The following BCL7A variants were observed in gnomAD, a reference collection of about 807,000 sequenced individuals.
BCL7A encodes B-cell CLL/lymphoma 7 protein family member A.
BCL7A carries 11 observed loss-of-function variants against 28.4 expected under a neutral mutation model. The ratio of observed to expected loss-of-function variants is 0.39; its 90% CI spans 0.24 to 0.64. The LOEUF is 0.64. Among genes scored for constraint, BCL7A ranks in the 30% least tolerant of loss-of-function variants. The probability of loss-of-function intolerance (pLI) is 0.50; values close to 1 mark genes in which losing one functional copy is unlikely to be tolerated. For missense variants in BCL7A, 222 were observed against 274.8 expected, an observed-to-expected ratio of 0.81 and a Z score of 1.36; for synonymous variants, 123 against 103.3, an observed-to-expected ratio of 1.19 and a Z score of -1.15.
At position 122,034,763 on chromosome 12, in the gene BCL7A, G is replaced by A. The variant is rs565685087; in HGVS notation, c.175-568G>A. 6.6e-5 allele frequency among the ~76,000 whole-genome samples: 10 copies of A among 151,318 alleles called. No individual in the cohort carries two copies. In the South Asian group the frequency reaches 1.2e-3, roughly 19 times the overall value. On this transcript the variant is annotated intron_variant, in intron 2 of 5. Transcript: ENST00000261822. The stretch of plus-strand genomic sequence containing the variant: ...TCTCAAAAAAAAAAAAAAGAAAAAA[G>A]GAATGGCACGAAAAGCATCCCCATC...
chr12:122,048,044 C>A (rs1050761163), intron 4 of BCL7A, among the ~76,000 whole-genome samples: 2 of 151,740 alleles, frequency 1.3e-5, no homozygotes, highest in African/African-American at 2.4e-5. Context: ...GCTGGGATTA[C>A]AGGCATGCAC....
intron 5 of BCL7A, 145 bp from the exon 6 acceptor site, chr12:122,058,947 T>C: frequency 1.6e-6 from 1 of 636,024 alleles, no homozygotes; most frequent in Non-Finnish European, 2.8e-6. Context: ...GAGTCCACGC[T>C]TGGGCCTCGG....
At chr12:122,024,908 C>A (rs1186995597) in intron 1 of BCL7A, among the ~76,000 whole-genome samples, 1 of 152,068 alleles carries the variant, frequency 6.6e-6, no homozygotes, top group Non-Finnish European at 1.5e-5. Context: ...GGTTTCTCCT[C>A]AGCCCTAGTG....
In BCL7A at chr12:122,054,670, C is replaced by A. The variant is rs1884271238; in HGVS notation, c.440-135C>A. The A allele has an allele frequency of 3.5e-6, 3 of 847,732 alleles. No homozygotes were observed. In the Admixed American group the frequency reaches 6.9e-5, roughly 20 times the overall value. 52.5% of individuals were successfully genotyped at this position (847,732 alleles called of 1,614,324 possible). A position where few individuals can be genotyped will look rare whatever the true frequency, so the allele number is the denominator to read the frequency against. On this transcript the variant is annotated intron_variant, in intron 4 of 5. Coordinates refer to ENST00000261822, the MANE Select transcript of BCL7A (RefSeq NM_001024808.3). ...ACAGGAGACTCCCCAGCCCTCCAGCCCCCCAGCTCATTGTAGCCTTCAAAG... is the reference window on the plus strand; with the variant it reads ...ACAGGAGACTCCCCAGCCCTCCAGCACCCCAGCTCATTGTAGCCTTCAAAG...
chr12:122,024,556 C>T (rs1883572787), intron 1 of BCL7A, among the ~76,000 whole-genome samples: 2 of 151,612 alleles, frequency 1.3e-5, no homozygotes, highest in African/African-American at 2.4e-5. Flanking sequence ...ACCTTCCCCG[C>T]GCCTTCGGAT....
rs781194346 is a variant in BCL7A, at chr12:122,043,871, T to A, written c.272-15T>A. ...GTGGGATTTCATCCTGTGGTTCTGT[T>A]CCCACCCCCTACAGACGATAACAGC... On this transcript the variant is annotated splice_polypyrimidine_tract_variant and intron_variant, in intron 3 of 5. Transcript: ENST00000261822. 1.2e-5 allele frequency: 20 copies of A among 1,601,728 alleles called. No individual in the cohort carries two copies. Among genetic ancestry groups the A allele is most frequent in the Non-Finnish European group, 1.7e-5 (20 of 1,173,650 alleles).
chr12:122,023,800 G>T (rs540939719), intron 1 of BCL7A, among the ~76,000 whole-genome samples: 1 of 152,290 alleles, frequency 6.6e-6, no homozygotes, highest in Admixed American at 6.5e-5. Flanking sequence ...CTCTACTGTG[G>T]GATTCCCCGC....
At position 122,044,303 on chromosome 12, in the gene BCL7A, G is replaced by C. The variant is rs142903299; in HGVS notation, c.439+250G>C. On this transcript the variant is annotated intron_variant, in intron 4 of 5. Coordinates refer to ENST00000261822, the MANE Select transcript of BCL7A (RefSeq NM_001024808.3). ...GTGTGAGGACTGCTTGAGCCTAGGA[G>C]TTCAAGACCAGCCTGGGCAACATAG... The C allele has an allele frequency of 1.2e-3, 503 of 414,680 alleles. 3 individuals are homozygous for C. The highest frequency in any genetic ancestry group is 9.2e-3 in the African/African-American group (448 of 48,754). 25.7% of individuals were successfully genotyped at this position (414,680 alleles called of 1,614,324 possible).
At chr12:122,039,204 A>G (rs565686108) in intron 3 of BCL7A, among the ~76,000 whole-genome samples, 104 of 151,286 alleles carry the variant, frequency 6.9e-4, no homozygotes, top group Admixed American at 1.8e-3. Context: ...GGCTGAGGCA[A>G]GAGAATGGCG....
intron 4 of BCL7A, among the ~76,000 whole-genome samples, chr12:122,052,270 G>A (rs781105548): frequency 4.6e-5 from 7 of 152,132 alleles, no homozygotes; most frequent in Non-Finnish European, 1.0e-4. Flanking sequence ...CTGAGCTCAA[G>A]CTATCTTCCC....
intron 1 of BCL7A, among the ~76,000 whole-genome samples, chr12:122,025,963 A>AG (rs1044982401): frequency 1.3e-5 from 2 of 149,274 alleles, no homozygotes; most frequent in African/African-American, 4.9e-5. Context: ...AAAAAAAAAA[A>AG]AAAAAGAAGA....
rs1028866962 is a variant in BCL7A, at chr12:122,034,080, C to A, written c.175-1251C>A. Among the ~76,000 whole-genome samples the A allele has an allele frequency of 2.0e-5, 3 of 150,526 alleles. No individual in the cohort carries two copies. In the Admixed American group the frequency reaches 2.0e-4, roughly 10 times the overall value. ...TTTTGTTTATCCTTCTAAAGGGAGA[C>A]TTCGCTCGCAAACATGCATGTAAAT... is the stretch of plus-strand genomic sequence containing the variant. On this transcript the variant is annotated intron_variant, in intron 2 of 5. Transcript: ENST00000261822.
Position 122,021,915 on chromosome 12 carries a change from T to TG in BCL7A, c.-177_-176insG. The TG allele has an allele frequency of 6.2e-6, 2 of 321,188 alleles. No individual in the cohort carries two copies. The highest frequency in any genetic ancestry group is 4.7e-5 in the East Asian group (1 of 21,444). The allele number at this position is 321,188 out of a possible 1,614,324, so 19.9% of individuals were successfully genotyped here. A position where few individuals can be genotyped will look rare whatever the true frequency, so the allele number is the denominator to read the frequency against. On this transcript the variant is annotated 5_prime_UTR_variant, in exon 1 of 6. Transcript: ENST00000261822. ...GGCCAGGCGCGCGGCGGCCCCGGGC[T>TG]TTGTGTGTGTGTGTATGTGTGTGTG...
chr12:122,030,840 G>T, intron 2 of BCL7A, 59 bp downstream of exon 2: 1 of 1,519,058 alleles, frequency 6.6e-7, no homozygotes, highest in Non-Finnish European at 9.1e-7. Flanking sequence ...CTCCCACCAT[G>T]GGGAGGGAGA....
chr12:122,023,398 G>A (rs1324497126), intron 1 of BCL7A, among the ~76,000 whole-genome samples: 1 of 152,150 alleles, frequency 6.6e-6, no homozygotes, highest in African/African-American at 2.4e-5. Context: ...ACGTTTGGGG[G>A]TGTCGTTTCT....
intron 4 of BCL7A, among the ~76,000 whole-genome samples, chr12:122,045,832 T>C (rs1884064747): frequency 1.3e-5 from 2 of 151,914 alleles, no homozygotes; most frequent in South Asian, 2.1e-4. Context: ...CTTATGCTTA[T>C]AATCTCAGCA....
rs1054142046 is a variant in BCL7A at position 122,021,930 on chromosome 12, A to ATGTGTG, written c.-139_-134dup. 7.9e-4 allele frequency: 308 copies of ATGTGTG among 388,194 alleles called. No individual in the cohort carries two copies. The highest frequency in any genetic ancestry group is 1.8e-3 in the South Asian group (66 of 35,792). The allele number at this position is 388,194 out of a possible 1,614,324, so 24.0% of individuals were successfully genotyped here. A position where few individuals can be genotyped will look rare whatever the true frequency, so the allele number is the denominator to read the frequency against. ...GGCCCCGGGCTTTGTGTGTGTGTGTATGTGTGTGTGTGTGTGTGTGTGTGT... is the reference window on the plus strand; with the variant it reads ...GGCCCCGGGCTTTGTGTGTGTGTGTATGTGTGTGTGTGTGTGTGTGTGTGTGTGTGT... On this transcript the variant is annotated 5_prime_UTR_variant, in exon 1 of 6. It removes the in-frame stop codon of an upstream open reading frame in the 5' UTR. Transcript: ENST00000261822.
chr12:122,030,957 C>A (rs1883730828), intron 2 of BCL7A, among the ~76,000 whole-genome samples, 176 bp downstream of exon 2: 1 of 152,166 alleles, frequency 6.6e-6, no homozygotes, highest in Non-Finnish European at 1.5e-5. Flanking sequence ...CCCACCCCTC[C>A]CACTCCAGCC....
rs1008816846 is a variant in BCL7A, at chr12:122,039,310, TAA to T, written c.271+3893_271+3894del. 3.1e-3 allele frequency among the ~76,000 whole-genome samples: 447 copies of T among 142,332 alleles called. 12 individuals carry two copies. In the East Asian group the frequency reaches 0.062, roughly 20 times the overall value. The allele number at this position is 142,332 out of a possible 152,430, so 93.4% of individuals were successfully genotyped here. ...AGACTCAGTCTAAAAAAAAATAGAT[TAA>T]AAAAAAAAATAATAATAATAATAAA... On this transcript the variant is annotated intron_variant, in intron 3 of 5. Transcript: ENST00000261822.
Sources: gnomAD v4.1 joint callset for allele counts (sites outside exome capture counted in the v4.1 genomes callset) on GRCh38, gnomAD v4.1.1 for gene constraint, MANE v1.5 for transcripts, NCBI Gene and HGNC (gene_info 2026-07-23, HGNC 2026-07-21) for gene names.